Variants in LDLRAD4 observed in about 807,000 individuals in gnomAD.
The protein encoded by LDLRAD4 is low density lipoprotein receptor class A domain containing 4.
LDLRAD4 carries 5 observed loss-of-function variants against 17.0 expected under a neutral mutation model. The ratio of observed to expected loss-of-function variants is 0.29; its 90% CI spans 0.15 to 0.62. The LOEUF (loss-of-function observed/expected upper bound fraction) is 0.62. Among genes scored for constraint, LDLRAD4 ranks in the 20% least tolerant of loss-of-function variants. The probability of loss-of-function intolerance (pLI) is 0.84; values close to 1 mark genes in which losing one functional copy is unlikely to be tolerated. For missense variants in LDLRAD4, 340 were observed against 424.7 expected, an observed-to-expected ratio of 0.80 and a Z score of 1.75; for synonymous variants, 168 against 171.8, an observed-to-expected ratio of 0.98 and a Z score of 0.17.
exon 6 of LDLRAD4, chr18:13,649,158 A>C (rs1189095665): frequency 6.6e-6 from 1 of 152,162 alleles, no homozygotes; most frequent in South Asian, 2.1e-4. Flanking sequence ...TGAGGCAGGA[A>C]ATAGGGGCCA....
At chr18:13,642,641 A>G in intron 4 of LDLRAD4, 3 of 1,231,052 alleles carry the variant, frequency 2.4e-6, no homozygotes, top group Non-Finnish European at 3.0e-6. Flanking sequence ...GAGGCCGGGC[A>G]GGGCACGGGC....
intron 3 of LDLRAD4, among the ~76,000 whole-genome samples, chr18:13,555,948 A>G (rs112906131): frequency 2.0e-5 from 3 of 152,262 alleles, no homozygotes; most frequent in African/African-American, 7.2e-5. Flanking sequence ...GCAGCTTATT[A>G]TAGAGAGAAT....
intron 1 of LDLRAD4, among the ~76,000 whole-genome samples, chr18:13,289,606 GCCA>G (rs771463450): frequency 6.6e-6 from 1 of 152,176 alleles, no homozygotes. Context: ...TTGCTAGCTG[GCCA>G]CTGTCATACT....
chr18:13,531,123 G>A (rs1400096208), intron 3 of LDLRAD4, among the ~76,000 whole-genome samples: 1 of 152,130 alleles, frequency 6.6e-6, no homozygotes, highest in African/African-American at 2.4e-5. Context: ...GCCTGCCTTG[G>A]GCTCAGGACC....
intron 1 of LDLRAD4, among the ~76,000 whole-genome samples, chr18:13,310,156 G>A (rs1298274357): frequency 8.4e-5 from 12 of 143,042 alleles, no homozygotes; most frequent in African/African-American, 1.5e-4. Flanking sequence ...GTCAGCCTGC[G>A]CAACATAGTG....
chr18:13,422,043 T>C (rs6505813), intron 2 of LDLRAD4, among the ~76,000 whole-genome samples: 123,008 of 152,264 alleles, frequency 0.81, 52,151 homozygotes, highest in Non-Finnish European at 0.94. Flanking sequence ...CTGTTTCAAA[T>C]ACGTTAATTT....
intron 3 of LDLRAD4, among the ~76,000 whole-genome samples, chr18:13,606,067 C>G (rs2095220968): frequency 6.6e-6 from 1 of 152,150 alleles, no homozygotes; most frequent in Non-Finnish European, 1.5e-5. Flanking sequence ...TCCTCCTGAC[C>G]ACCCTGTGAA....
In LDLRAD4 at chr18:13,346,268, T is replaced by G. The variant is rs535227845; in HGVS notation, c.-382-41073T>G. Among the ~76,000 whole-genome samples, 253 of 152,264 alleles carry G rather than the reference T, an allele frequency of 1.7e-3. 1 individual carries two copies. The highest frequency in any genetic ancestry group is 5.8e-3 in the African/African-American group (242 of 41,560). On this transcript the variant is annotated intron_variant, in intron 1 of 5. Coordinates refer to ENST00000359446, the Ensembl canonical transcript of LDLRAD4. ...GCTTTGAATGTGTCCCAGAGATTCT[T>G]GTATGTTGTGTCTTTGTTCTCGTTG...
Position 13,313,736 on chromosome 18 carries a change from T to C in LDLRAD4, c.-383+35548T>C, listed in dbSNP as rs147569354. ...TTTCTCTGTGAAATCATAGGGACTTTGAGGACAGTGACGGTTTCTGCCTTT... is the reference window on the plus strand; with the variant it reads ...TTTCTCTGTGAAATCATAGGGACTTCGAGGACAGTGACGGTTTCTGCCTTT... On this transcript the variant is annotated intron_variant, in intron 1 of 5. Coordinates refer to ENST00000359446, the Ensembl canonical transcript of LDLRAD4. Among the ~76,000 whole-genome samples, 626 of 152,310 alleles carry C rather than the reference T, an allele frequency of 4.1e-3. 2 individuals carry two copies. The highest frequency in any genetic ancestry group is 6.8e-3 in the Middle Eastern group (2 of 294).
At chr18:13,439,849 A>G (rs567465392) in intron 3 of LDLRAD4, among the ~76,000 whole-genome samples, 48 of 152,290 alleles carry the variant, frequency 3.2e-4, no homozygotes, top group African/African-American at 9.6e-4. Context: ...TGGCCTTTCC[A>G]CATGGATGGA....
chr18:13,489,025 AAG>A (rs1378384010), intron 3 of LDLRAD4: 1 of 152,166 alleles, frequency 6.6e-6, no homozygotes, highest in Non-Finnish European at 1.5e-5. Context: ...GGGCAGACTC[AAG>A]AGAGCCACAG....
At chr18:13,227,313 G>A (rs898968036) in intron 1 of LDLRAD4, among the ~76,000 whole-genome samples, 1 of 152,206 alleles carries the variant, frequency 6.6e-6, no homozygotes, top group African/African-American at 2.4e-5. Flanking sequence ...TTCATTGAGG[G>A]GTTGGAAGCA....
intron 1 of LDLRAD4, among the ~76,000 whole-genome samples, chr18:13,383,889 G>T (rs2085581920): frequency 6.6e-6 from 1 of 152,196 alleles, no homozygotes; most frequent in African/African-American, 2.4e-5. Flanking sequence ...AATCTTTGTT[G>T]CTAGCAGTGA....
chr18:13,297,682 C>T (rs1021079899), intron 1 of LDLRAD4, among the ~76,000 whole-genome samples: 15 of 152,198 alleles, frequency 9.9e-5, no homozygotes, highest in Admixed American at 8.5e-4. Context: ...CACCTGTACT[C>T]CCAGCTACTT....
intron 3 of LDLRAD4, among the ~76,000 whole-genome samples, chr18:13,544,731 C>T (rs2094335124): frequency 6.6e-6 from 1 of 152,264 alleles, no homozygotes; most frequent in Admixed American, 6.5e-5. Flanking sequence ...CACCCGTCAC[C>T]TTTCAGAGGA....
chr18:13,642,641 A>AGGGCAC (rs2042677398), intron 4 of LDLRAD4: 1 of 1,231,052 alleles, frequency 8.1e-7, no homozygotes. Flanking sequence ...GAGGCCGGGC[A>AGGGCAC]GGGCACGGGC....
At chr18:13,488,703 G>A (rs561362313) in intron 3 of LDLRAD4, 44 of 152,410 alleles carry the variant, frequency 2.9e-4, no homozygotes, top group African/African-American at 1.1e-3. Context: ...GACGCACCCT[G>A]CACATGCACG....
chr18:13,286,040 C>G (rs1478304299), intron 1 of LDLRAD4, among the ~76,000 whole-genome samples: 1 of 152,180 alleles, frequency 6.6e-6, no homozygotes, highest in Non-Finnish European at 1.5e-5. Context: ...ATTTCCAGAA[C>G]TCTCTCCATT....
chr18:13,413,083 T>G (rs1163136836), intron 2 of LDLRAD4, among the ~76,000 whole-genome samples: 2 of 152,226 alleles, frequency 1.3e-5, no homozygotes, highest in African/African-American at 4.8e-5. Context: ...CTCTTGAGCC[T>G]TGCTGTCTTC....
Sources: gnomAD v4.1 joint callset for allele counts (sites outside exome capture counted in the v4.1 genomes callset) on GRCh38, gnomAD v4.1.1 for gene constraint, MANE v1.5 for transcripts, NCBI Gene and HGNC (gene_info 2026-07-23, HGNC 2026-07-21) for gene names.